Variants in TMEM132C observed in about 807,000 individuals in gnomAD.
The protein encoded by TMEM132C is protein phosphatase 1, regulatory subunit 152.
Under a neutral mutation model 61.4 loss-of-function variants are expected in TMEM132C, and 29 were observed. That is an observed-to-expected ratio of 0.47 (90% CI 0.35 to 0.64). The LOEUF (loss-of-function observed/expected upper bound fraction) is 0.64. Among genes scored for constraint, TMEM132C ranks in the 30% least tolerant of loss-of-function variants. TMEM132C has a pLI of 0.00. For synonymous variants in TMEM132C, 656 were observed against 633.1 expected, an observed-to-expected ratio of 1.04 and a Z score of -0.54; for missense variants, 1,408 against 1,476.9, an observed-to-expected ratio of 0.95 and a Z score of 0.76.
chr12:128,310,733 A>T (rs1168208732), intron 1 of TMEM132C, among the ~76,000 whole-genome samples: 1 of 152,300 alleles, frequency 6.6e-6, no homozygotes, highest in African/African-American at 2.4e-5. Flanking sequence ...CATGCAAGCT[A>T]TATCTACCAG....
At chr12:128,589,944 T>C (rs1457448010) in intron 3 of TMEM132C, among the ~76,000 whole-genome samples, 1 of 152,226 alleles carries the variant, frequency 6.6e-6, no homozygotes, top group Non-Finnish European at 1.5e-5. Flanking sequence ...TCGTTGTTGT[T>C]ACGTTTGAAG....
intron 1 of TMEM132C, among the ~76,000 whole-genome samples, chr12:128,284,920 G>C (rs1431162675): frequency 6.6e-6 from 1 of 152,186 alleles, no homozygotes; most frequent in African/African-American, 2.4e-5. Flanking sequence ...AGGATTGCTT[G>C]AGCCCAGGAG....
At chr12:128,575,012 A>G (rs954245722) in intron 3 of TMEM132C, among the ~76,000 whole-genome samples, 4 of 152,196 alleles carry the variant, frequency 2.6e-5, no homozygotes, top group Non-Finnish European at 5.9e-5. Flanking sequence ...TTCCTCTCTC[A>G]TCTGTGCCTC....
At position 128,701,981 on chromosome 12, in the gene TMEM132C, C is replaced by T. The variant is rs1954807483; in HGVS notation, c.2122-3109C>T. On this transcript the variant is annotated intron_variant, in intron 8 of 8. Transcript: ENST00000435159. ...GTGGTGTGATCTTGGCTCACTGCAA[C>T]CTCTTCCTCCCAGGTTCAAGCAATT... Among the ~76,000 whole-genome samples, 4 of 151,324 alleles carry T rather than the reference C, an allele frequency of 2.6e-5. No homozygotes were observed. The South Asian group carries it at 8.4e-4, about 32-fold the overall frequency.
chr12:128,373,338 T>C (rs562464910), intron 1 of TMEM132C, among the ~76,000 whole-genome samples: 1 of 152,240 alleles, frequency 6.6e-6, no homozygotes, highest in South Asian at 2.1e-4. Context: ...TCCCCCTAAT[T>C]GTAATTGGCC....
chr12:128,522,145 A>G (rs1872926092), intron 2 of TMEM132C, among the ~76,000 whole-genome samples: 2 of 152,188 alleles, frequency 1.3e-5, no homozygotes, highest in South Asian at 4.1e-4. Flanking sequence ...TGCTATCTCA[A>G]GAACGCTGGG....
intron 1 of TMEM132C, among the ~76,000 whole-genome samples, chr12:128,315,298 AG>A (rs1872114858): frequency 6.6e-6 from 1 of 152,188 alleles, no homozygotes; most frequent in African/African-American, 2.4e-5. Context: ...ATGAGGCTGC[AG>A]GGGTAGGGAG....
chr12:128,568,883 C>T (rs1411252877), intron 3 of TMEM132C, among the ~76,000 whole-genome samples: 2 of 152,164 alleles, frequency 1.3e-5, no homozygotes, highest in Non-Finnish European at 2.9e-5. Flanking sequence ...AGGATTGTTA[C>T]CATGGGTTCT....
chr12:128,537,754 A>T (rs1329106027), intron 2 of TMEM132C, among the ~76,000 whole-genome samples: 1 of 152,232 alleles, frequency 6.6e-6, no homozygotes, highest in Non-Finnish European at 1.5e-5. Context: ...ATATAATTTC[A>T]TAGAACTATA....
At chr12:128,654,213 T>C (rs909784314) in intron 4 of TMEM132C, among the ~76,000 whole-genome samples, 1 of 152,182 alleles carries the variant, frequency 6.6e-6, no homozygotes, top group African/African-American at 2.4e-5. Flanking sequence ...GCTAATCCAA[T>C]GACTGGTGTC....
chr12:128,506,923 G>A (rs976103012), intron 2 of TMEM132C, among the ~76,000 whole-genome samples: 4 of 152,044 alleles, frequency 2.6e-5, no homozygotes, highest in African/African-American at 7.2e-5. Flanking sequence ...TGTAGCTGAT[G>A]GGAAAAGGCA....
At position 128,706,146 on chromosome 12, in the gene TMEM132C, A is replaced by T. The variant is rs144227199; in HGVS notation, c.3178A>T (p.Thr1060Ser). 1,091 of 1,551,678 alleles carry T rather than the reference A, an allele frequency of 7.0e-4. 7 individuals are homozygous for T. The African/African-American group carries it at 9.6e-3, about 14-fold the overall frequency. Residue 1060 changes from threonine (T) to serine (S), a missense_variant, in exon 9 of 9, where the codon ACC (threonine) becomes TCC (serine). Transcript: ENST00000435159. Reference protein sequence around the residue: ...KRKKVKFTTFTTIPPDDSCPT... With the variant: ...KRKKVKFTTFSTIPPDDSCPT... ...GAAGAAGGTGAAATTTACCACCTTT[A>T]CCACCATCCCCCCGGACGACAGCTG... is the stretch of plus-strand genomic sequence containing the variant.
At chr12:128,679,300 T>G (rs1377865921) in intron 5 of TMEM132C, among the ~76,000 whole-genome samples, 1 of 152,240 alleles carries the variant, frequency 6.6e-6, no homozygotes, top group African/African-American at 2.4e-5. Context: ...ATTAGGCAGC[T>G]ATTGCTGTGA....
intron 2 of TMEM132C, among the ~76,000 whole-genome samples, chr12:128,431,550 C>CTTTTTTTTTT (rs386378189): frequency 3.0e-5 from 3 of 98,906 alleles, no homozygotes; most frequent in African/African-American, 4.2e-5. Flanking sequence ...CCATCTAGGA[C>CTTTTTTTTTT]TTTTTTTTTT....
chr12:128,510,548 T>C lies in TMEM132C; in HGVS notation c.975-33409T>C, dbSNP rs146899112. On this transcript the variant is annotated intron_variant, in intron 2 of 8. Coordinates refer to ENST00000435159, the MANE Select transcript of TMEM132C (RefSeq NM_001136103.3). ...TTCACCCCCTGCATTTTGTAAATTCTGGTAGCCTGCCGTCTAGAAGACTCT... is the reference window on the plus strand; with the variant it reads ...TTCACCCCCTGCATTTTGTAAATTCCGGTAGCCTGCCGTCTAGAAGACTCT... Among the ~76,000 whole-genome samples, 1,177 of 152,320 alleles carry C rather than the reference T, an allele frequency of 7.7e-3. 17 individuals carry two copies. Among genetic ancestry groups the C allele is most frequent in the African/African-American group, 0.027 (1,120 of 41,568 alleles).
At chr12:128,673,968 TGTGTGA>T (rs530734184) in intron 5 of TMEM132C, among the ~76,000 whole-genome samples, 252 of 152,372 alleles carry the variant, frequency 1.7e-3, no homozygotes, top group Non-Finnish European at 2.4e-3. Flanking sequence ...CAAGTATATT[TGTGTGA>T]TATGCACAGT....
At chr12:128,427,692 C>T (rs1294829351) in intron 2 of TMEM132C, among the ~76,000 whole-genome samples, 1 of 152,100 alleles carries the variant, frequency 6.6e-6, no homozygotes, top group Non-Finnish European at 1.5e-5. Flanking sequence ...ATCACCTTCC[C>T]GTTAAGGCAC....
chr12:128,454,105 G>A (rs1179263180), intron 2 of TMEM132C, among the ~76,000 whole-genome samples: 3 of 152,164 alleles, frequency 2.0e-5, no homozygotes, highest in Non-Finnish European at 4.4e-5. Context: ...CAAGGATATA[G>A]ACAAGATAAC....
At chr12:128,506,766 A>G (rs553687760) in intron 2 of TMEM132C, among the ~76,000 whole-genome samples, 2 of 152,272 alleles carry the variant, frequency 1.3e-5, no homozygotes, top group East Asian at 3.9e-4. Context: ...GGGCACATGA[A>G]GTAGACTTGG....
Sources: gnomAD v4.1 joint callset for allele counts (sites outside exome capture counted in the v4.1 genomes callset) on GRCh38, gnomAD v4.1.1 for gene constraint, MANE v1.5 for transcripts, NCBI Gene and HGNC (gene_info 2026-07-23, HGNC 2026-07-21) for gene names.